RBFOX1: variants seen among roughly 807,000 people sequenced by gnomAD.
RBFOX1 encodes RNA binding protein fox-1 homolog 1.
A neutral mutation model predicts 57.7 loss-of-function variants in RBFOX1; 8 were observed. The observed-to-expected ratio is 0.14, with a 90% CI of 0.08 to 0.25. The LOEUF (loss-of-function observed/expected upper bound fraction) is 0.25. Ranked by LOEUF, RBFOX1 falls within the 10% of genes least tolerant of loss-of-function variation. The pLI is 1.00. For missense variants in RBFOX1, 611 were observed against 548.5 expected (o/e 1.11, Z -1.14); for synonymous variants, 326 against 222.4 (o/e 1.47, Z -4.15).
chr16:5,634,030 G>A (rs991800827), intron 3 of RBFOX1, among the ~76,000 whole-genome samples: 5 of 152,150 alleles, frequency 3.3e-5, no homozygotes, highest in Admixed American at 2.0e-4. Context: ...TTCCTCTACT[G>A]CCATCTAGAG....
chr16:6,361,741 C>G (rs977849234), intron 2 of RBFOX1, among the ~76,000 whole-genome samples: 3 of 151,978 alleles, frequency 2.0e-5, no homozygotes, highest in Admixed American at 2.0e-4. Flanking sequence ...ATCAGAATGT[C>G]TGGAATGAGG....
intron 4 of RBFOX1, among the ~76,000 whole-genome samples, chr16:7,107,220 G>A (rs781302228): frequency 2.6e-5 from 4 of 152,164 alleles, no homozygotes; most frequent in Non-Finnish European, 4.4e-5. Context: ...TGAGTGGCTG[G>A]TGGGTATTAA....
At chr16:5,774,293 T>C (rs533319828) in intron 3 of RBFOX1, among the ~76,000 whole-genome samples, 5 of 152,348 alleles carry the variant, frequency 3.3e-5, no homozygotes, top group African/African-American at 4.8e-5. Context: ...TTTCTGTTTC[T>C]GGATTAATAA....
intron 4 of RBFOX1, among the ~76,000 whole-genome samples, chr16:7,071,594 TG>T: frequency 7.4e-5 from 2 of 27,090 alleles, no homozygotes; most frequent in Non-Finnish European, 3.5e-4. Context: ...GATATGTGTG[TG>T]TGTGTGTGTG....
intron 1 of RBFOX1, among the ~76,000 whole-genome samples, chr16:6,130,576 A>G (rs183946103): frequency 1.1e-3 from 175 of 152,290 alleles, no homozygotes; most frequent in African/African-American, 4.0e-3. Context: ...CTTAAAGAGC[A>G]GAGATTGTCA....
chr16:6,352,097 T>G (rs1425856748), intron 2 of RBFOX1, among the ~76,000 whole-genome samples: 1 of 152,192 alleles, frequency 6.6e-6, no homozygotes, highest in Admixed American at 6.5e-5. Flanking sequence ...TAAGGTACAA[T>G]TGAGAGTTTG....
chr16:5,542,508 C>T (rs1212334498), intron 2 of RBFOX1, among the ~76,000 whole-genome samples: 1 of 151,740 alleles, frequency 6.6e-6, no homozygotes, highest in Non-Finnish European at 1.5e-5. Context: ...CCACCCGCCT[C>T]GGCCTCCCAA....
At chr16:6,203,769 A>C (rs1387481046) in intron 1 of RBFOX1, among the ~76,000 whole-genome samples, 1 of 152,204 alleles carries the variant, frequency 6.6e-6, no homozygotes, top group African/African-American at 2.4e-5. Context: ...AAATTGGTGC[A>C]GCCACAATGG....
At chr16:7,449,392 AG>A (rs1192135048) in intron 4 of RBFOX1, among the ~76,000 whole-genome samples, 1 of 152,192 alleles carries the variant, frequency 6.6e-6, no homozygotes, top group East Asian at 1.9e-4. Flanking sequence ...CAGTGAAAAT[AG>A]ATGGATGAAT....
intron 1 of RBFOX1, among the ~76,000 whole-genome samples, chr16:5,262,695 A>G (rs1258584263): frequency 6.6e-6 from 1 of 152,196 alleles, no homozygotes; most frequent in Non-Finnish European, 1.5e-5. Context: ...GTTATATTAG[A>G]TAAGAGGATG....
intron 2 of RBFOX1, among the ~76,000 whole-genome samples, chr16:6,570,246 A>C (rs1479616985): frequency 1.3e-5 from 2 of 152,164 alleles, no homozygotes; most frequent in African/African-American, 4.8e-5. Context: ...CCCATTGTGT[A>C]TTGTTCCCCC....
chr16:6,184,666 TCTC>T (rs1362776676), intron 1 of RBFOX1, among the ~76,000 whole-genome samples: 5 of 152,088 alleles, frequency 3.3e-5, no homozygotes, highest in African/African-American at 9.7e-5. Context: ...TTCAAGCAAT[TCTC>T]CTGCCTCACC....
intron 3 of RBFOX1, among the ~76,000 whole-genome samples, chr16:5,685,528 G>C (rs1227498957): frequency 6.6e-6 from 1 of 152,152 alleles, no homozygotes; most frequent in Non-Finnish European, 1.5e-5. Context: ...GTTATCACAG[G>C]GTTGGAGAAT....
intron 3 of RBFOX1, among the ~76,000 whole-genome samples, chr16:6,901,779 A>T (rs982338978): frequency 1.3e-5 from 2 of 152,188 alleles, no homozygotes; most frequent in African/African-American, 2.4e-5. Flanking sequence ...CATAGATGAG[A>T]TGGATTGAGA....
At chr16:6,954,890 A>T (rs2081441400) in intron 3 of RBFOX1, among the ~76,000 whole-genome samples, 1 of 152,128 alleles carries the variant, frequency 6.6e-6, no homozygotes, top group African/African-American at 2.4e-5. Context: ...GTCCTCAAAT[A>T]AAGAAAGGTA....
intron 2 of RBFOX1, among the ~76,000 whole-genome samples, chr16:5,543,222 C>T (rs1341420342): frequency 6.6e-6 from 1 of 152,056 alleles, no homozygotes; most frequent in Non-Finnish European, 1.5e-5. Context: ...CATGAAAATA[C>T]AACCTAAAAT....
At chr16:5,861,096 C>G (rs1215419004) in intron 3 of RBFOX1, among the ~76,000 whole-genome samples, 1 of 152,204 alleles carries the variant, frequency 6.6e-6, no homozygotes, top group Non-Finnish European at 1.5e-5. Context: ...TGGAGTCACA[C>G]TGCCAGCATT....
chr16:5,780,042 C>T (rs181863720), intron 3 of RBFOX1, among the ~76,000 whole-genome samples: 3 of 152,300 alleles, frequency 2.0e-5, no homozygotes, highest in Non-Finnish European at 4.4e-5. Flanking sequence ...CTTGCTGTGT[C>T]GCCCCGGCTG....
chr16:6,275,018 C>A (rs1375939567), intron 1 of RBFOX1, among the ~76,000 whole-genome samples: 2 of 152,158 alleles, frequency 1.3e-5, no homozygotes, highest in Non-Finnish European at 2.9e-5. Context: ...CGGAGAGTGA[C>A]ATGGAAATAT....
Sources: gnomAD v4.1 joint callset for allele counts (sites outside exome capture counted in the v4.1 genomes callset) on GRCh38, gnomAD v4.1.1 for gene constraint, MANE v1.5 for transcripts, NCBI Gene and HGNC (gene_info 2026-07-23, HGNC 2026-07-21) for gene names.